SNTB1: variants seen among roughly 807,000 people sequenced by gnomAD.
The protein encoded by SNTB1 is syntrophin beta 1.
In SNTB1, 36 loss-of-function variants were observed where a neutral mutation model predicts 48.9. The ratio of observed to expected loss-of-function variants is 0.74; its 90% CI spans 0.56 to 0.97. SNTB1 has a LOEUF of 0.97. Among genes scored for constraint, SNTB1 ranks in the 50% least tolerant of loss-of-function variants. The probability of loss-of-function intolerance (pLI) is 0.00; values close to 1 mark genes in which losing one functional copy is unlikely to be tolerated. For synonymous variants in SNTB1, 299 were observed against 294.6 expected (o/e 1.01, Z -0.15); for missense variants, 786 against 703.4 (o/e 1.12, Z -1.33).
At chr8:120,761,082 G>A (rs1441657233) in intron 1 of SNTB1, among the ~76,000 whole-genome samples, 1 of 152,180 alleles carries the variant, frequency 6.6e-6, no homozygotes, top group Non-Finnish European at 1.5e-5. Flanking sequence ...AATCTATAAT[G>A]ATGGAGTCAT....
At chr8:120,706,789 T>C (rs1818384021) in intron 1 of SNTB1, among the ~76,000 whole-genome samples, 1 of 152,190 alleles carries the variant, frequency 6.6e-6, no homozygotes, top group Non-Finnish European at 1.5e-5. Context: ...CAGGTGTAGC[T>C]TCATAATAAC....
chr8:120,734,446 C>CA (rs58092888), intron 1 of SNTB1, among the ~76,000 whole-genome samples: 36,425 of 109,256 alleles, frequency 0.33, 8,172 homozygotes, highest in African/African-American at 0.66. Context: ...GATTCTGTCT[C>CA]AAAAAAAAAA....
intron 1 of SNTB1, among the ~76,000 whole-genome samples, chr8:120,728,775 A>G (rs866712073): frequency 2.6e-5 from 4 of 152,116 alleles, no homozygotes; most frequent in Non-Finnish European, 5.9e-5. Context: ...TGTCTTAGTT[A>G]TCGTGAATAA....
intron 2 of SNTB1, among the ~76,000 whole-genome samples, chr8:120,658,297 T>C (rs530504346): frequency 6.6e-6 from 1 of 152,042 alleles, no homozygotes; most frequent in African/African-American, 2.4e-5. Flanking sequence ...GAAGAGGAGA[T>C]AGAAGCTGGA....
At chr8:120,747,940 T>C (rs4871117) in intron 1 of SNTB1, among the ~76,000 whole-genome samples, 19,782 of 152,244 alleles carry the variant, frequency 0.13, 1,670 homozygotes, top group African/African-American at 0.23. Flanking sequence ...TGGGTAGATA[T>C]AAAATTATTA....
intron 1 of SNTB1, among the ~76,000 whole-genome samples, chr8:120,802,899 T>C (rs567346745): frequency 6.6e-6 from 1 of 152,170 alleles, no homozygotes; most frequent in South Asian, 2.1e-4. Flanking sequence ...TGTAGTTAAG[T>C]AATTTGCACA....
chr8:120,584,448 AAAAAAAAAAAAAAG>A (rs1219339451), intron 3 of SNTB1, among the ~76,000 whole-genome samples: 7 of 150,398 alleles, frequency 4.7e-5, no homozygotes, highest in Middle Eastern at 3.4e-3. Flanking sequence ...CAAAAAAAAA[AAAAAAAAAAAAAAG>A]TGTAGTAATT....
rs1444727050 is a variant in SNTB1 at position 120,711,107 on chromosome 8, C to A, written c.572-17199G>T. Among the ~76,000 whole-genome samples the A allele has an allele frequency of 3.9e-5, 6 of 152,178 alleles. No homozygotes were observed. In the South Asian group the frequency reaches 8.3e-4, roughly 21 times the overall value. On this transcript the variant is annotated intron_variant, in intron 1 of 6. Coordinates refer to ENST00000517992, the MANE Select transcript of SNTB1 (RefSeq NM_021021.4). ...TGTTGTCTGTGGTAGAACATTGAAA[C>A]CCAGGTATTCACTGGCAGGAAACAA... is the stretch of plus-strand genomic sequence containing the variant.
chr8:120,798,056 C>T (rs1266631929), intron 1 of SNTB1, among the ~76,000 whole-genome samples: 1 of 151,876 alleles, frequency 6.6e-6, no homozygotes, highest in Non-Finnish European at 1.5e-5. Context: ...GAAATAAATC[C>T]GTAAGAAGAG....
rs576327001 is a variant in SNTB1, at chr8:120,810,648, C to T, written c.571+625G>A. On this transcript the variant is annotated intron_variant, in intron 1 of 6. Transcript: ENST00000517992. ...TTTTTCCCAAAACTGCAACATATTC[C>T]CCGGCCCCTGACATAACTCTCCAGG... is the stretch of plus-strand genomic sequence containing the variant. Among the ~76,000 whole-genome samples the T allele has an allele frequency of 6.6e-5, 10 of 152,296 alleles. No homozygotes were observed. The South Asian group carries it at 2.1e-3, about 32-fold the overall frequency.
intron 2 of SNTB1, among the ~76,000 whole-genome samples, chr8:120,666,807 A>G (rs1817679483): frequency 6.6e-6 from 1 of 152,044 alleles, no homozygotes; most frequent in Non-Finnish European, 1.5e-5. Context: ...CATTAGGAAT[A>G]GTTTCTATTA....
chr8:120,755,928 A>G (rs1334008107), intron 1 of SNTB1, among the ~76,000 whole-genome samples: 1 of 152,200 alleles, frequency 6.6e-6, no homozygotes, highest in Non-Finnish European at 1.5e-5. Flanking sequence ...CCAAGGTCAC[A>G]TTGTTGAGCT....
intron 1 of SNTB1, among the ~76,000 whole-genome samples, chr8:120,727,883 A>T (rs1818787241): frequency 6.6e-6 from 1 of 152,198 alleles, no homozygotes; most frequent in Admixed American, 6.5e-5. Context: ...AAGAATTCAC[A>T]CAAGATTAGA....
intron 1 of SNTB1, among the ~76,000 whole-genome samples, chr8:120,758,843 G>T (rs11987139): frequency 0.12 from 18,388 of 151,978 alleles, 3,659 homozygotes; most frequent in African/African-American, 0.42. Flanking sequence ...AATTAATAAA[G>T]AACTCCATAT....
chr8:120,660,906 G>C (rs1205382708), intron 2 of SNTB1, among the ~76,000 whole-genome samples: 2 of 152,164 alleles, frequency 1.3e-5, no homozygotes, highest in Admixed American at 1.3e-4. Flanking sequence ...AGAGATGGGA[G>C]CAAGGGAAGA....
chr8:120,613,351 CA>C (rs35342244), intron 3 of SNTB1, among the ~76,000 whole-genome samples: 6 of 146,742 alleles, frequency 4.1e-5, no homozygotes, highest in South Asian at 4.4e-4. Context: ...AGCTCCATCT[CA>C]AAAAAAAAAA....
At chr8:120,595,039 G>A (rs1043590059) in intron 3 of SNTB1, among the ~76,000 whole-genome samples, 4 of 151,894 alleles carry the variant, frequency 2.6e-5, no homozygotes, top group Non-Finnish European at 5.9e-5. Flanking sequence ...AGGCCCAGAG[G>A]CTAAAATAAA....
intron 3 of SNTB1, among the ~76,000 whole-genome samples, chr8:120,615,187 T>C (rs533239566): frequency 6.6e-6 from 1 of 152,094 alleles, no homozygotes; most frequent in South Asian, 2.1e-4. Context: ...AAGATGCTAG[T>C]GCACTGGGCA....
intron 1 of SNTB1, among the ~76,000 whole-genome samples, chr8:120,715,222 C>G (rs1350537110): frequency 6.6e-6 from 1 of 152,172 alleles, no homozygotes; most frequent in Non-Finnish European, 1.5e-5. Flanking sequence ...GCAAATTTAG[C>G]CTAAATGAGT....
Sources: allele counts gnomAD v4.1 joint callset (sites outside exome capture counted in the v4.1 genomes callset), GRCh38; gene constraint gnomAD v4.1.1; transcripts MANE v1.5; gene names NCBI Gene and HGNC (gene_info 2026-07-23, HGNC 2026-07-21).